RGL4: variants seen among roughly 807,000 people sequenced by gnomAD.
RGL4 encodes the protein ral guanine nucleotide dissociation stimulator like 4, also known as ral-GDS-related protein.
RGL4 carries 41 observed loss-of-function variants against 49.6 expected under a neutral mutation model. The ratio of observed to expected loss-of-function variants is 0.83; its 90% CI spans 0.64 to 1.07. The LOEUF (loss-of-function observed/expected upper bound fraction) is 1.07. Ranked by LOEUF, RGL4 falls within the 50% of genes least tolerant of loss-of-function variation. RGL4 has a pLI of 0.00. For synonymous variants in RGL4, 255 were observed against 238.0 expected (o/e 1.07, Z -0.66); for missense variants, 610 against 591.9 (o/e 1.03, Z -0.32).
chr22:23,695,129 C>A, intron 6 of RGL4, 110 bp downstream of exon 6: 1 of 808,836 alleles, frequency 1.2e-6, no homozygotes, highest in Admixed American at 2.1e-5. Flanking sequence ...TTGGTTTTGA[C>A]TTACCTACTA....
In RGL4 at chr22:23,695,006, A is replaced by T. The variant is rs8137247; in HGVS notation, c.1073A>T (p.Asp358Val). The change falls in exon 6 of 11, where the codon GAC becomes GTC. Residue 358 changes from aspartate to valine, a missense_variant. By Grantham distance (152) the Asp-to-Val change is radical. Coordinates refer to ENST00000290691, the MANE Select transcript of RGL4 (RefSeq NM_153615.2). ...AAAAAAGACACTGCAGTGAAGAGGG[A>T]CCTACTGATCAAGGTACAGTGGAGT... ...LCKKDTAVKR[D>V]LLIKAGSFKV... 3,171 of 1,612,194 alleles carry T rather than the reference A, an allele frequency of 2.0e-3. 46 individuals are homozygous for T. The African/African-American group carries it at 0.034, about 17-fold the overall frequency.
Position 23,692,517 on chromosome 22 carries a change from C to T in RGL4, c.362C>T (p.Ala121Val), listed in dbSNP as rs1240566913. 4 of 1,613,400 alleles carry T rather than the reference C, an allele frequency of 2.5e-6. No individual in the cohort carries two copies. The highest frequency in any genetic ancestry group is 3.4e-6 in the Non-Finnish European group (4 of 1,179,542). The change falls in exon 2 of 11, where the codon GCC (alanine) becomes GTC (valine). Residue 121 changes from alanine (A) to valine (V), a missense_variant. Transcript: ENST00000290691. ...GQLVLPEPNE[A>V]KPDDPAPRPG... ...TTGGTGCTTCCGGAGCCCAACGAGGCCAAGCCAGATGGTGAGGGGGCTTGC... is the reference window on the plus strand; with the variant it reads ...TTGGTGCTTCCGGAGCCCAACGAGGTCAAGCCAGATGGTGAGGGGGCTTGC...
In RGL4 at chr22:23,698,980, C is replaced by A; in HGVS notation, c.*97C>A. The A allele has an allele frequency of 6.4e-7, 1 of 1,565,372 alleles. No homozygotes were observed. The highest frequency in any genetic ancestry group is 8.7e-7 in the Non-Finnish European group (1 of 1,154,554). On this transcript the variant is annotated 3_prime_UTR_variant, in exon 11 of 11. Coordinates refer to ENST00000290691, the MANE Select transcript of RGL4 (RefSeq NM_153615.2). ...CACCCAGACCGTAGACACCAGGGAA[C>A]CACATCTAGGAGGCTGGCAGCTCAG... is the stretch of plus-strand genomic sequence containing the variant.
At chr22:23,695,500 AG>A in intron 6 of RGL4, 2 of 538,424 alleles carry the variant, frequency 3.7e-6, no homozygotes, top group Non-Finnish European at 3.3e-6. Flanking sequence ...CTCCATGGGC[AG>A]GGGGCCTTGG....
intron 9 of RGL4, 164 bp downstream of exon 9, chr22:23,698,025 C>A: frequency 2.6e-6 from 3 of 1,165,186 alleles, no homozygotes; most frequent in Non-Finnish European, 2.5e-6. Flanking sequence ...ATGGGAAAAG[C>A]ACTGGAATCA....
chr22:23,697,171 G>C lies in RGL4; in HGVS notation c.1162G>C (p.Gly388Arg). The change falls in exon 8 of 11, where the codon GGT becomes CGT. Residue 388 changes from glycine to arginine, a missense_variant and splice_region_variant. Transcript: ENST00000290691. ...ACCTCCCCACCCCTCCTTGGCACAG[G>C]GTGTGGTCCCCTTCCTGGGGGATTT... Reference protein sequence around the residue: ...VQMRLRRQKKGVVPFLGDFLT... With the variant: ...VQMRLRRQKKRVVPFLGDFLT... 6.2e-7 allele frequency: 1 copy of C among 1,612,446 alleles called. No homozygotes were observed. The highest frequency in any genetic ancestry group is 8.5e-7 in the Non-Finnish European group (1 of 1,178,930).
rs377152220 is a variant in RGL4, at chr22:23,696,582, G to A, written c.1087-32G>A. On this transcript the variant is annotated intron_variant, in intron 6 of 10. Coordinates refer to ENST00000290691, the MANE Select transcript of RGL4 (RefSeq NM_153615.2). ...GGTGTAACTGGGGGAGAGGAGGAGA[G>A]CCTCACTGTCCCTGTCGCTGACACC... is the stretch of plus-strand genomic sequence containing the variant. The A allele has an allele frequency of 3.0e-5, 48 of 1,613,090 alleles. 1 individual carries two copies. Among genetic ancestry groups the A allele is most frequent in the Non-Finnish European group, 3.6e-5 (43 of 1,179,414 alleles).
chr22:23,693,753 C>CG lies in RGL4; in HGVS notation c.697-6_697-5insG. The CG allele has an allele frequency of 1.2e-6, 2 of 1,612,654 alleles. No homozygotes were observed. Among genetic ancestry groups the CG allele is most frequent in the Non-Finnish European group, 1.7e-6 (2 of 1,178,772 alleles). On this transcript the variant is annotated splice_region_variant and splice_polypyrimidine_tract_variant and intron_variant, in intron 3 of 10. Coordinates refer to ENST00000290691, the MANE Select transcript of RGL4 (RefSeq NM_153615.2). ...GTGTCCGTGACACTCTCCTCCTCCCCCAAAGGAGCTGTTCAAGAAGGTGGT... is the reference window on the plus strand; with the variant it reads ...GTGTCCGTGACACTCTCCTCCTCCCCGCAAAGGAGCTGTTCAAGAAGGTGGT...
intron 9 of RGL4, 118 bp from the exon 10 acceptor site, chr22:23,698,094 G>A (rs998840279): frequency 2.3e-5 from 31 of 1,357,786 alleles, no homozygotes; most frequent in Non-Finnish European, 3.0e-5. Context: ...GGCTGGGGGC[G>A]CTGCATGGGA....
rs754334337 is a variant in RGL4 at position 23,698,685 on chromosome 22, T to G, written c.1383-159T>G. The G allele has an allele frequency of 9.0e-5, 87 of 967,480 alleles. 1 individual carries two copies. In the South Asian group the frequency reaches 1.2e-3, roughly 13 times the overall value. 59.9% of individuals were successfully genotyped at this position (967,480 alleles called of 1,614,324 possible). A position where few individuals can be genotyped will look rare whatever the true frequency, so the allele number is the denominator to read the frequency against. Reference sequence around the variant, plus strand: ...ACCTGGCCTAGAGGAGGCTCTCCCGTGGCCAGCTGCAGAGAGCCTATGGCC... The same window carrying G: ...ACCTGGCCTAGAGGAGGCTCTCCCGGGGCCAGCTGCAGAGAGCCTATGGCC... On this transcript the variant is annotated intron_variant, in intron 10 of 10. Transcript: ENST00000290691.
At chr22:23,695,258 TGGCTGCTG>T (rs759682468) in intron 6 of RGL4, 19 of 489,644 alleles carry the variant, frequency 3.9e-5, no homozygotes, top group African/African-American at 1.6e-4. Context: ...GATGTGGCAA[TGGCTGCTG>T]GGCTGCTGGG....
intron 4 of RGL4, 170 bp from the exon 5 acceptor site, chr22:23,694,177 T>C (rs1308016183): frequency 5.6e-6 from 4 of 713,296 alleles, no homozygotes; most frequent in Non-Finnish European, 9.5e-6. Flanking sequence ...TTCCTTGGGT[T>C]GAACTAAAAT....
At chr22:23,696,819 G>A in intron 7 of RGL4, 131 bp downstream of exon 7, 7 of 783,784 alleles carry the variant, frequency 8.9e-6, no homozygotes, top group Non-Finnish European at 1.4e-5. Context: ...TGGCCACTGG[G>A]CCTGGAAAAC....
intron 9 of RGL4, 43 bp from the exon 10 acceptor site, chr22:23,698,169 A>T: frequency 6.3e-7 from 1 of 1,579,132 alleles, no homozygotes; most frequent in Non-Finnish European, 8.6e-7. Context: ...CCCCACAGCA[A>T]CTTCCACCCA....
At position 23,698,222 on chromosome 22, in the gene RGL4, T is replaced by C; in HGVS notation, c.1271T>C (p.Val424Ala). 1 of 1,606,838 alleles carries C rather than the reference T, an allele frequency of 6.2e-7. No individual in the cohort carries two copies. The highest frequency in any genetic ancestry group is 8.5e-7 in the Non-Finnish European group (1 of 1,174,168). ...GTCCTCTGTCTCTAGGAGGTCCGAG[T>C]TCTGCAGGAAATGCAGCTGCTCCAA... Reference protein sequence around the residue: ...NTNKRSKEVRVLQEMQLLQVA... With the variant: ...NTNKRSKEVRALQEMQLLQVA... Residue 424 changes from valine to alanine, a missense_variant, in exon 10 of 11, where the codon GTT (valine) becomes GCT (alanine). Val to Ala is a moderately conservative substitution (Grantham distance 64). Coordinates refer to ENST00000290691, the MANE Select transcript of RGL4 (RefSeq NM_153615.2).
chr22:23,697,366 G>C (rs1601291135), intron 8 of RGL4, 121 bp downstream of exon 8: 1 of 753,602 alleles, frequency 1.3e-6, no homozygotes, highest in East Asian at 2.6e-5. Context: ...GAGCCTCACA[G>C]CTGCTCCTGT....
chr22:23,695,140 A>G, intron 6 of RGL4, 121 bp downstream of exon 6: 1 of 733,018 alleles, frequency 1.4e-6, no homozygotes, highest in Non-Finnish European at 2.4e-6. Context: ...TTACCTACTA[A>G]AAGTGGACTT....
intron 6 of RGL4, 62 bp downstream of exon 6, chr22:23,695,081 G>C (rs574583887): frequency 7.9e-7 from 1 of 1,264,156 alleles, no homozygotes; most frequent in South Asian, 1.2e-5. Flanking sequence ...GAGTGAGTTT[G>C]GAAGGGCATT....
chr22:23,697,910 C>G, intron 9 of RGL4, 49 bp downstream of exon 9: 1 of 1,577,186 alleles, frequency 6.3e-7, no homozygotes, highest in Non-Finnish European at 8.6e-7. Flanking sequence ...ATGTGGACGT[C>G]ACAGTCCACC....
Sources: allele counts gnomAD v4.1 joint callset, GRCh38; gene constraint gnomAD v4.1.1; transcripts MANE v1.5; gene names NCBI Gene and HGNC (gene_info 2026-07-23, HGNC 2026-07-21).